Variants in CDK8 observed in about 807,000 individuals in gnomAD.
The protein encoded by CDK8 is cyclin-dependent kinase 8.
CDK8 carries 29 observed loss-of-function variants against 71.5 expected under a neutral mutation model. That is an observed-to-expected ratio of 0.41 (90% CI 0.30 to 0.55). CDK8 has a LOEUF of 0.55. Ranked by LOEUF, CDK8 falls within the 20% of genes least tolerant of loss-of-function variation. CDK8 has a pLI of 0.37. For missense variants in CDK8, 288 were observed against 572.6 expected, an observed-to-expected ratio of 0.50 and a Z score of 5.07; for synonymous variants, 161 against 192.1, an observed-to-expected ratio of 0.84 and a Z score of 1.34.
At chr13:26,295,694 T>TA (rs367576175) in intron 1 of CDK8, among the ~76,000 whole-genome samples, 34 of 152,340 alleles carry the variant, frequency 2.2e-4, no homozygotes, top group African/African-American at 7.7e-4. Context: ...CCTGGAATAG[T>TA]AAAGTCATTT....
intron 6 of CDK8, among the ~76,000 whole-genome samples, chr13:26,392,268 G>A (rs778237834): frequency 2.0e-5 from 3 of 149,682 alleles, no homozygotes; most frequent in African/African-American, 7.4e-5. Context: ...ACTTTGTTGT[G>A]TACAGAGAAA....
chr13:26,349,285 A>G (rs1873591123), intron 3 of CDK8, 103 bp downstream of exon 3: 3 of 705,898 alleles, frequency 4.2e-6, no homozygotes, highest in East Asian at 5.1e-5. Context: ...TGTTTTTAAA[A>G]TAAAAGTAAC....
At chr13:26,322,389 A>G (rs1039621552) in intron 1 of CDK8, among the ~76,000 whole-genome samples, 4 of 152,014 alleles carry the variant, frequency 2.6e-5, no homozygotes, top group Non-Finnish European at 5.9e-5. Context: ...ATTCACCTCC[A>G]TCCACTGTGA....
intron 1 of CDK8, among the ~76,000 whole-genome samples, chr13:26,268,686 G>A (rs1872154994): frequency 5.3e-5 from 8 of 151,932 alleles, no homozygotes; most frequent in Admixed American, 5.2e-4. Context: ...AGCCATATAG[G>A]TATTTAAAAT....
Position 26,401,414 on chromosome 13 carries a change from G to A in CDK8, c.1111-52G>A, listed in dbSNP as rs368376730. 1.6e-4 allele frequency: 265 copies of A among 1,612,886 alleles called. 1 individual carries two copies. The African/African-American group carries it at 3.2e-3, about 20-fold the overall frequency. ...TGCCTCCATAACATTTTCCATTGTG[G>A]GTATATTTTGTTCTCCCTCTGAGCT... On this transcript the variant is annotated intron_variant, in intron 11 of 12. Coordinates refer to ENST00000381527, the MANE Select transcript of CDK8 (RefSeq NM_001260.3). The surrounding 1 kb of genome is among the most constrained non-coding windows in gnomAD (Gnocchi z 4.5).
chr13:26,280,437 GCATAACACTAAGTAGCT>G (rs1212375946), intron 1 of CDK8, among the ~76,000 whole-genome samples: 4 of 152,182 alleles, frequency 2.6e-5, no homozygotes, highest in Non-Finnish European at 5.9e-5. Context: ...TCCCAGGGCT[GCATAACACTAAGTAGCT>G]CATAGTGACT....
At chr13:26,381,645 T>C (rs1176765885) in intron 4 of CDK8, among the ~76,000 whole-genome samples, 2 of 152,122 alleles carry the variant, frequency 1.3e-5, no homozygotes, top group African/African-American at 4.8e-5. Flanking sequence ...GTCTTGCTGA[T>C]TATATTTAGG....
intron 1 of CDK8, among the ~76,000 whole-genome samples, chr13:26,267,666 A>G (rs146571922): frequency 1.3e-3 from 193 of 152,330 alleles, no homozygotes; most frequent in African/African-American, 4.6e-3. Flanking sequence ...AATTCATTTT[A>G]TCAGTTCATC....
chr13:26,350,845 C>G (rs1873652148), intron 3 of CDK8, among the ~76,000 whole-genome samples: 1 of 152,012 alleles, frequency 6.6e-6, no homozygotes, highest in African/African-American at 2.4e-5. Context: ...CAAACACCAG[C>G]CTCAGTATTT....
Position 26,388,881 on chromosome 13 carries a change from A to G in CDK8, c.646+3539A>G, listed in dbSNP as rs577427088. Among the ~76,000 whole-genome samples, 369 of 152,278 alleles carry G rather than the reference A, an allele frequency of 2.4e-3. 3 individuals carry two copies. Among genetic ancestry groups the G allele is most frequent in the African/African-American group, 8.2e-3 (342 of 41,558 alleles). On this transcript the variant is annotated intron_variant, in intron 6 of 12. Coordinates refer to ENST00000381527, the MANE Select transcript of CDK8 (RefSeq NM_001260.3). ...CTCCTCCTCACCAACATAAGCATTT[A>G]TTGGGTAACTACTATGTTAGGAGGA...
At chr13:26,288,844 C>G (rs533863525) in intron 1 of CDK8, among the ~76,000 whole-genome samples, 1 of 152,086 alleles carries the variant, frequency 6.6e-6, no homozygotes, top group Non-Finnish European at 1.5e-5. Context: ...ACTGCAACCT[C>G]TGCCTCCTGG....
intron 4 of CDK8, among the ~76,000 whole-genome samples, chr13:26,381,026 CT>C (rs1875200622): frequency 6.6e-6 from 1 of 152,068 alleles, no homozygotes; most frequent in African/African-American, 2.4e-5. Context: ...TCAGATTTGT[CT>C]TTTATGAAAA....
chr13:26,345,186 G>A (rs898959769), intron 2 of CDK8, among the ~76,000 whole-genome samples: 1 of 152,002 alleles, frequency 6.6e-6, no homozygotes, highest in Non-Finnish European at 1.5e-5. Context: ...GTGACTGTAC[G>A]GTCACATTCC....
chr13:26,395,611 G>A (rs1330102217), intron 7 of CDK8, among the ~76,000 whole-genome samples: 3 of 152,060 alleles, frequency 2.0e-5, no homozygotes, highest in Non-Finnish European at 4.4e-5. Context: ...AGCATGTATT[G>A]TTTGAGCAAC....
At chr13:26,329,588 C>T (rs1032727970) in intron 1 of CDK8, among the ~76,000 whole-genome samples, 10 of 151,522 alleles carry the variant, frequency 6.6e-5, no homozygotes, top group African/African-American at 9.7e-5. Context: ...CTGCAACCTC[C>T]GCCTCCCGGG....
intron 1 of CDK8, among the ~76,000 whole-genome samples, chr13:26,323,519 C>A (rs1874889194): frequency 6.6e-6 from 1 of 152,120 alleles, no homozygotes; most frequent in Non-Finnish European, 1.5e-5. Context: ...AGTGCTTCAT[C>A]ATATGAAATT....
chr13:26,255,438 C>A (rs1288055242), intron 1 of CDK8, among the ~76,000 whole-genome samples: 1 of 152,174 alleles, frequency 6.6e-6, no homozygotes, highest in Non-Finnish European at 1.5e-5. Context: ...CAGGCGGTTT[C>A]CCCCAAATTT....
At chr13:26,316,170 G>A (rs185979912) in intron 1 of CDK8, among the ~76,000 whole-genome samples, 151 of 152,260 alleles carry the variant, frequency 9.9e-4, no homozygotes, top group African/African-American at 3.6e-3. Flanking sequence ...ACCAGCCTGG[G>A]CAACATGGCA....
chr13:26,271,717 G>T (rs1399533553), intron 1 of CDK8, among the ~76,000 whole-genome samples: 1 of 151,118 alleles, frequency 6.6e-6, no homozygotes, highest in African/African-American at 2.4e-5. Context: ...GACCGAGGCG[G>T]TAGGATTGCT....
Sources: allele counts gnomAD v4.1 joint callset (sites outside exome capture counted in the v4.1 genomes callset), GRCh38; gene constraint gnomAD v4.1.1; non-coding constraint Gnocchi (gnomAD v3.1); transcripts MANE v1.5; gene names NCBI Gene and HGNC (gene_info 2026-07-23, HGNC 2026-07-21).